The following ARHGAP24 variants were observed in gnomAD, a reference collection of about 807,000 sequenced individuals.
The protein encoded by ARHGAP24 is rho GTPase-activating protein 24.
In ARHGAP24, 50 loss-of-function variants were observed where a neutral mutation model predicts 76.4. The observed-to-expected ratio is 0.65, with a 90% confidence interval of 0.52 to 0.83. The LOEUF (loss-of-function observed/expected upper bound fraction) is 0.83, where lower values mean the gene tolerates loss of function less well. ARHGAP24 is among the 40% of genes least tolerant of loss of function. ARHGAP24 has a pLI of 0.00. For missense variants in ARHGAP24, 930 were observed against 914.2 expected, an observed-to-expected ratio of 1.02 and a Z score of -0.22; for synonymous variants, 345 against 323.3, an observed-to-expected ratio of 1.07 and a Z score of -0.72.
At chr4:85,977,828 T>A in intron 8 of ARHGAP24, 137 bp downstream of exon 8, 1 of 1,100,570 alleles carries the variant, frequency 9.1e-7, no homozygotes, top group Non-Finnish European at 1.3e-6. Context: ...TGAAGTTCTT[T>A]AAATGTAAAA....
At chr4:85,545,564 G>T (rs993419468) in intron 1 of ARHGAP24, among the ~76,000 whole-genome samples, 1 of 152,188 alleles carries the variant, frequency 6.6e-6, no homozygotes. Flanking sequence ...CAAAGGATGC[G>T]CAAGAGACAG....
chr4:85,618,732 A>T (rs1720614349), intron 2 of ARHGAP24, among the ~76,000 whole-genome samples: 1 of 152,058 alleles, frequency 6.6e-6, no homozygotes, highest in East Asian at 1.9e-4. Flanking sequence ...ATGACAAGTG[A>T]TGTTGAGCAC....
intron 1 of ARHGAP24, among the ~76,000 whole-genome samples, chr4:85,553,308 A>G (rs1905035): frequency 0.86 from 130,787 of 152,126 alleles, 59,078 homozygotes; most frequent in Non-Finnish European, 0.98. Flanking sequence ...GGTTGCCGCT[A>G]CTGGCTCAGG....
At chr4:85,654,584 T>G (rs12644260) in intron 2 of ARHGAP24, among the ~76,000 whole-genome samples, 55,196 of 151,930 alleles carry the variant, frequency 0.36, 11,120 homozygotes, top group East Asian at 0.84. Flanking sequence ...TGCATACCAT[T>G]ACCTTTCTTA....
chr4:85,623,011 G>A (rs1356307880), intron 2 of ARHGAP24, among the ~76,000 whole-genome samples: 1 of 152,050 alleles, frequency 6.6e-6, no homozygotes, highest in Non-Finnish European at 1.5e-5. Flanking sequence ...TTTGTCAGAT[G>A]AGTGGGTTGC....
At chr4:85,755,552 A>G (rs1726443942) in intron 3 of ARHGAP24, among the ~76,000 whole-genome samples, 3 of 151,828 alleles carry the variant, frequency 2.0e-5, no homozygotes, top group African/African-American at 7.3e-5. Context: ...ATATTCCCTC[A>G]GCTGTCACCA....
intron 4 of ARHGAP24, among the ~76,000 whole-genome samples, chr4:85,937,153 T>C (rs1416967115): frequency 6.6e-6 from 1 of 152,174 alleles, no homozygotes; most frequent in Non-Finnish European, 1.5e-5. Context: ...GCTCTGCTCT[T>C]CAAAAACTCA....
intron 3 of ARHGAP24, among the ~76,000 whole-genome samples, chr4:85,890,237 C>T (rs976511222): frequency 1.3e-5 from 2 of 152,146 alleles, no homozygotes; most frequent in Non-Finnish European, 2.9e-5. Context: ...ATTACTAATA[C>T]TTTCATCCCT....
chr4:85,928,285 CTCCTT>C (rs2148815123), intron 4 of ARHGAP24, among the ~76,000 whole-genome samples: 1 of 152,006 alleles, frequency 6.6e-6, no homozygotes, highest in East Asian at 1.9e-4. Context: ...CCCTCGCACT[CTCCTT>C]TCCTTTCTTC....
chr4:85,944,171 A>G (rs970107270), intron 5 of ARHGAP24, among the ~76,000 whole-genome samples: 3 of 152,200 alleles, frequency 2.0e-5, no homozygotes, highest in African/African-American at 4.8e-5. Context: ...GTGAGATGGT[A>G]TCTCATTGTG....
At chr4:85,527,852 T>C (rs1725073884) in intron 1 of ARHGAP24, among the ~76,000 whole-genome samples, 1 of 152,056 alleles carries the variant, frequency 6.6e-6, no homozygotes, top group Non-Finnish European at 1.5e-5. Context: ...AAGAAGTAGG[T>C]ATGGATTTTT....
chr4:85,932,921 C>G (rs1481248722), intron 4 of ARHGAP24, among the ~76,000 whole-genome samples: 1 of 152,176 alleles, frequency 6.6e-6, no homozygotes, highest in East Asian at 1.9e-4. Flanking sequence ...AACCCGCCGC[C>G]ACCTTGCTCT....
At chr4:85,712,665 T>C (rs1057012532) in intron 2 of ARHGAP24, among the ~76,000 whole-genome samples, 5 of 152,126 alleles carry the variant, frequency 3.3e-5, no homozygotes, top group African/African-American at 1.2e-4. Flanking sequence ...TCCACGTTCA[T>C]GTAGCCTCTC....
At chr4:85,482,442 T>G (rs1722853012) in intron 1 of ARHGAP24, among the ~76,000 whole-genome samples, 1 of 152,124 alleles carries the variant, frequency 6.6e-6, no homozygotes, top group African/African-American at 2.4e-5. Flanking sequence ...GCTGGGGTCT[T>G]TGTGCCTGGA....
intron 2 of ARHGAP24, among the ~76,000 whole-genome samples, chr4:85,599,674 T>G (rs6813895): frequency 2.0e-5 from 3 of 151,730 alleles, no homozygotes; most frequent in Non-Finnish European, 1.5e-5. Context: ...TTAAATTATT[T>G]TTTTTTTGTA....
Position 85,795,494 on chromosome 4 carries a change from T to G in ARHGAP24, c.268+73522T>G, listed in dbSNP as rs78318058. Among the ~76,000 whole-genome samples, 192 of 149,976 alleles carry G rather than the reference T, an allele frequency of 1.3e-3. 4 individuals are homozygous for G. The East Asian group carries it at 0.035, about 27-fold the overall frequency. ...TAGAATATTTTTCTTGTCATTTTAATTATTTGGAAATTTGTAGATAAGTGA... is the reference window on the plus strand; with the variant it reads ...TAGAATATTTTTCTTGTCATTTTAAGTATTTGGAAATTTGTAGATAAGTGA... On this transcript the variant is annotated intron_variant, in intron 3 of 9. Transcript: ENST00000395184.
At chr4:85,597,965 C>G (rs1349375340) in intron 2 of ARHGAP24, among the ~76,000 whole-genome samples, 1 of 152,066 alleles carries the variant, frequency 6.6e-6, no homozygotes, top group Non-Finnish European at 1.5e-5. Flanking sequence ...GGTAGTGTTA[C>G]AATTCAGATG....
At chr4:85,484,354 G>C (rs532081238) in intron 1 of ARHGAP24, among the ~76,000 whole-genome samples, 1 of 152,210 alleles carries the variant, frequency 6.6e-6, no homozygotes, top group South Asian at 2.1e-4. Context: ...ACAACACTGG[G>C]TATTTTATTA....
chr4:85,544,273 G>A (rs1253180225), intron 1 of ARHGAP24, among the ~76,000 whole-genome samples: 2 of 152,180 alleles, frequency 1.3e-5, no homozygotes, highest in Non-Finnish European at 2.9e-5. Flanking sequence ...TACTATTAGA[G>A]TATTTCCTCA....
Sources: gnomAD v4.1 joint callset for allele counts (sites outside exome capture counted in the v4.1 genomes callset) on GRCh38, gnomAD v4.1.1 for gene constraint, MANE v1.5 for transcripts, NCBI Gene and HGNC (gene_info 2026-07-23, HGNC 2026-07-21) for gene names.